APBA2: variants seen among roughly 807,000 people sequenced by gnomAD.
The protein encoded by APBA2 is amyloid beta precursor protein binding family A member 2, also known as amyloid-beta A4 precursor protein-binding family A member 2.
Under a neutral mutation model 75.0 loss-of-function variants are expected in APBA2, and 30 were observed. That is an observed-to-expected ratio of 0.40 (90% CI 0.30 to 0.54). The LOEUF (loss-of-function observed/expected upper bound fraction) is 0.54. APBA2 is among the 20% of genes least tolerant of loss of function. The pLI is 0.49. For synonymous variants in APBA2, 444 were observed against 409.6 expected (o/e 1.08, Z -1.01); for missense variants, 801 against 1,016.1 (o/e 0.79, Z 2.88).
At position 28,921,656 on chromosome 15, in the gene APBA2, G is replaced by A. The variant is rs1306377342; in HGVS notation, c.-188G>A. 2 of 152,240 alleles carry A rather than the reference G, an allele frequency of 1.3e-5. No homozygotes were observed. Among genetic ancestry groups the A allele is most frequent in the Non-Finnish European group, 1.5e-5 (1 of 68,024 alleles). The allele number at this position is 152,240 out of a possible 1,614,324, so 9.4% of individuals were successfully genotyped here. ...TCTTTACAGTCTCCTGAATATTTAC[G>A]CGTTGCTGAATCTCCTGTGGACAAA... On this transcript the variant is annotated 5_prime_UTR_variant, in exon 2 of 15. Transcript: ENST00000683413.
At chr15:29,034,981 T>TA (rs2040672210) in intron 3 of APBA2, among the ~76,000 whole-genome samples, 1 of 152,228 alleles carries the variant, frequency 6.6e-6, no homozygotes, top group African/African-American at 2.4e-5. Context: ...TTGGCAGGAA[T>TA]AAAGATGACT....
Position 29,118,279 on chromosome 15 carries a change from G to C in APBA2, c.*1146G>C, listed in dbSNP as rs139295593. The C allele has an allele frequency of 2.0e-5, 3 of 152,476 alleles. No individual in the cohort carries two copies. The highest frequency in any genetic ancestry group is 7.2e-5 in the African/African-American group (3 of 41,470). 9.4% of individuals were successfully genotyped at this position (152,476 alleles called of 1,614,324 possible). ...ATGCAGCTACCCGTAGGAAGACTTC[G>C]CGCATATCACTAATAAACCTGAAGT... is the stretch of plus-strand genomic sequence containing the variant. On this transcript the variant is annotated 3_prime_UTR_variant, in exon 15 of 15. Transcript: ENST00000683413.
At chr15:29,100,168 C>G (rs1291213146) in intron 9 of APBA2, among the ~76,000 whole-genome samples, 1 of 152,158 alleles carries the variant, frequency 6.6e-6, no homozygotes, top group African/African-American at 2.4e-5. Flanking sequence ...TTGATAGGAG[C>G]TGGGGAAGGA....
At chr15:28,989,845 G>A (rs1272172106) in intron 2 of APBA2, among the ~76,000 whole-genome samples, 1 of 152,204 alleles carries the variant, frequency 6.6e-6, no homozygotes, top group East Asian at 1.9e-4. Context: ...CTGGCCTGCA[G>A]TGGGCATCAG....
chr15:28,973,646 T>A (rs2037185664), intron 2 of APBA2, among the ~76,000 whole-genome samples: 1 of 152,248 alleles, frequency 6.6e-6, no homozygotes, highest in South Asian at 2.1e-4. Flanking sequence ...TTAAAATGTT[T>A]AAAAAAAATT....
At chr15:28,887,323 T>C (rs748905262) in intron 1 of APBA2, among the ~76,000 whole-genome samples, 4 of 152,042 alleles carry the variant, frequency 2.6e-5, no homozygotes, top group Non-Finnish European at 5.9e-5. Context: ...TTGTTTTTGT[T>C]TTATTTTTCT....
intron 2 of APBA2, among the ~76,000 whole-genome samples, chr15:28,979,577 C>T (rs1019024592): frequency 7.2e-5 from 11 of 152,198 alleles, no homozygotes; most frequent in African/African-American, 2.4e-4. Flanking sequence ...CTGTCAGTTC[C>T]TCCCCATTTG....
At chr15:28,941,750 GTTTATTTA>G (rs771265395) in intron 2 of APBA2, among the ~76,000 whole-genome samples, 3 of 151,990 alleles carry the variant, frequency 2.0e-5, no homozygotes, top group African/African-American at 7.2e-5. Flanking sequence ...CGTTTTGTTT[GTTTATTTA>G]TTTATTTATT....
chr15:29,028,060 C>T (rs111663244), intron 3 of APBA2, among the ~76,000 whole-genome samples: 7 of 151,482 alleles, frequency 4.6e-5, no homozygotes, highest in Non-Finnish European at 7.4e-5. Flanking sequence ...GGCCGGTAAA[C>T]GTGTGCCATG....
chr15:28,920,904 C>T (rs1169224339), intron 1 of APBA2, among the ~76,000 whole-genome samples: 1 of 152,180 alleles, frequency 6.6e-6, no homozygotes, highest in Non-Finnish European at 1.5e-5. Flanking sequence ...GCTAGGACGT[C>T]TATCTCTGCA....
intron 4 of APBA2, among the ~76,000 whole-genome samples, chr15:29,059,018 T>C (rs1405950782): frequency 6.6e-6 from 1 of 152,220 alleles, no homozygotes. Context: ...CTAAAATTGA[T>C]TTGTAACCCT....
chr15:28,948,540 T>C (rs1011574187), intron 2 of APBA2, among the ~76,000 whole-genome samples: 1 of 152,122 alleles, frequency 6.6e-6, no homozygotes, highest in Non-Finnish European at 1.5e-5. Context: ...GTGTCCAGTT[T>C]TGTCCCCGCA....
intron 1 of APBA2, among the ~76,000 whole-genome samples, chr15:28,916,460 A>T (rs1201765599): frequency 6.5e-4 from 99 of 152,310 alleles, no homozygotes; most frequent in African/African-American, 2.4e-3. Context: ...ACCAGTACAC[A>T]TATCTTTAAT....
At chr15:28,893,036 G>T (rs1171199208) in intron 1 of APBA2, among the ~76,000 whole-genome samples, 1 of 152,236 alleles carries the variant, frequency 6.6e-6, no homozygotes, top group Non-Finnish European at 1.5e-5. Flanking sequence ...CATCTGTCTG[G>T]ATTATCCGGA....
At chr15:29,077,511 G>A (rs1278763899) in intron 6 of APBA2, among the ~76,000 whole-genome samples, 1 of 152,196 alleles carries the variant, frequency 6.6e-6, no homozygotes, top group African/African-American at 2.4e-5. Flanking sequence ...CATATCTGCA[G>A]GGAGTGGGAT....
intron 6 of APBA2, among the ~76,000 whole-genome samples, chr15:29,080,434 C>T (rs1164361908): frequency 6.6e-6 from 1 of 152,112 alleles, no homozygotes; most frequent in Non-Finnish European, 1.5e-5. Context: ...GAGCTCCTGG[C>T]CTTGTCAGGC....
intron 1 of APBA2, among the ~76,000 whole-genome samples, chr15:28,898,486 T>C (rs1595408482): frequency 6.6e-6 from 1 of 151,442 alleles, no homozygotes; most frequent in African/African-American, 2.4e-5. Context: ...GATGCTAGAG[T>C]GTGTAATGCA....
intron 4 of APBA2, among the ~76,000 whole-genome samples, chr15:29,066,807 T>G (rs2042398327): frequency 6.6e-6 from 1 of 152,180 alleles, no homozygotes; most frequent in African/African-American, 2.4e-5. Flanking sequence ...TAAAACCAAG[T>G]TGAGCCAGTC....
At chr15:28,945,683 A>T (rs939672801) in intron 2 of APBA2, among the ~76,000 whole-genome samples, 2 of 151,864 alleles carry the variant, frequency 1.3e-5, no homozygotes, top group African/African-American at 4.8e-5. Flanking sequence ...CCGCCTGGCT[A>T]ATTTTTGTAT....
Sources: allele counts gnomAD v4.1 joint callset (sites outside exome capture counted in the v4.1 genomes callset), GRCh38; gene constraint gnomAD v4.1.1; transcripts MANE v1.5; gene names NCBI Gene and HGNC (gene_info 2026-07-23, HGNC 2026-07-21).